The following TNFSF4 variants were observed in gnomAD, a reference collection of about 807,000 sequenced individuals.
TNFSF4 encodes TNF superfamily member 4.
A neutral mutation model predicts 7.3 loss-of-function variants in TNFSF4; 4 were observed. The observed-to-expected ratio is 0.55, with a 90% CI of 0.27 to 1.25. The LOEUF (loss-of-function observed/expected upper bound fraction) is 1.25, where lower values mean the gene tolerates loss of function less well. Ranked by LOEUF, TNFSF4 falls within the 50% of genes most tolerant of loss-of-function variation. The pLI, the probability that TNFSF4 is intolerant of heterozygous loss-of-function variation, is 0.12. For missense variants in TNFSF4, 181 were observed against 208.8 expected, an observed-to-expected ratio of 0.87 and a Z score of 0.82; for synonymous variants, 76 against 83.7, an observed-to-expected ratio of 0.91 and a Z score of 0.50.
At chr1:173,196,952 A>T (rs185926744) in intron 1 of TNFSF4, among the ~76,000 whole-genome samples, 31 of 152,312 alleles carry the variant, frequency 2.0e-4, no homozygotes, top group Admixed American at 1.8e-3. Context: ...CAAGGTACCC[A>T]CTGCCTTGCC....
chr1:173,324,193 CG>C, the TNFSF4 span, among the ~76,000 whole-genome samples: 7 of 151,932 alleles, frequency 4.6e-5, no homozygotes, highest in East Asian at 1.9e-4. Context: ...CCAGAAGGGG[CG>C]GGGGGGCCAA....
chr1:173,235,597 C>T, the TNFSF4 span, among the ~76,000 whole-genome samples: 4 of 152,316 alleles, frequency 2.6e-5, no homozygotes, highest in African/African-American at 4.8e-5. Flanking sequence ...ACACATACTA[C>T]GCATGTGTTA....
the TNFSF4 span, among the ~76,000 whole-genome samples, chr1:173,229,135 C>A: frequency 1.3e-5 from 2 of 152,174 alleles, no homozygotes; most frequent in Admixed American, 1.3e-4. Flanking sequence ...TTGTCAGATT[C>A]ACCAAGGTTG....
the TNFSF4 span, among the ~76,000 whole-genome samples, chr1:173,271,262 G>C: frequency 1.1e-4 from 17 of 152,074 alleles, no homozygotes; most frequent in Non-Finnish European, 2.2e-4. Context: ...TTTTCTTCTA[G>C]GGTTTTTATG....
the TNFSF4 span, among the ~76,000 whole-genome samples, chr1:173,227,981 G>A: frequency 1.3e-5 from 2 of 152,314 alleles, no homozygotes; most frequent in South Asian, 2.1e-4. Flanking sequence ...AAGGAGGCCT[G>A]CCTGCATCTG....
At chr1:173,354,800 G>A in the TNFSF4 span, among the ~76,000 whole-genome samples, 135 of 152,196 alleles carry the variant, frequency 8.9e-4, no homozygotes, top group African/African-American at 3.0e-3. Flanking sequence ...ACAAAATTAC[G>A]TTTGAAGACC....
chr1:173,273,719 A>T, the TNFSF4 span, among the ~76,000 whole-genome samples: 1 of 152,124 alleles, frequency 6.6e-6, no homozygotes, highest in East Asian at 1.9e-4. Context: ...TAATCCTAGG[A>T]TGAAGATAGA....
chr1:173,421,113 C>T, the TNFSF4 span, among the ~76,000 whole-genome samples: 1 of 151,962 alleles, frequency 6.6e-6, no homozygotes, highest in Non-Finnish European at 1.5e-5. Context: ...CCCCTGCCCG[C>T]ATTTAGGGTT....
chr1:173,252,113 T>A, the TNFSF4 span, among the ~76,000 whole-genome samples: 1 of 152,176 alleles, frequency 6.6e-6, no homozygotes, highest in Admixed American at 6.5e-5. Flanking sequence ...TAGATGGTTT[T>A]AGTTGGCTAA....
the TNFSF4 span, among the ~76,000 whole-genome samples, chr1:173,351,516 T>C: frequency 6.6e-6 from 1 of 152,040 alleles, no homozygotes; most frequent in Non-Finnish European, 1.5e-5. Context: ...AAAAAGGGAT[T>C]GAACTTCATT....
At chr1:173,255,919 C>T in the TNFSF4 span, among the ~76,000 whole-genome samples, 1 of 152,098 alleles carries the variant, frequency 6.6e-6, no homozygotes, top group Non-Finnish European at 1.5e-5. Context: ...GTAATAACAT[C>T]ATCATTTTTA....
At chr1:173,404,423 C>A in the TNFSF4 span, among the ~76,000 whole-genome samples, 1 of 152,274 alleles carries the variant, frequency 6.6e-6, no homozygotes, top group South Asian at 2.1e-4. Context: ...TGTGCTAAGG[C>A]AAATAACTAT....
chr1:173,374,481 T>A, the TNFSF4 span, among the ~76,000 whole-genome samples: 96,405 of 151,896 alleles, frequency 0.63, 30,755 homozygotes, highest in Admixed American at 0.69. Flanking sequence ...GGAACCTGCA[T>A]GACTGTAAGC....
the TNFSF4 span, among the ~76,000 whole-genome samples, chr1:173,298,673 C>T: frequency 6.6e-6 from 1 of 151,938 alleles, no homozygotes. Flanking sequence ...CTGAGCTCTT[C>T]TTTAGCAGCA....
At chr1:173,246,658 T>C in the TNFSF4 span, among the ~76,000 whole-genome samples, 4 of 152,364 alleles carry the variant, frequency 2.6e-5, no homozygotes, top group South Asian at 6.2e-4. Flanking sequence ...ATGAGTGAAA[T>C]ATTTTTACCC....
chr1:173,352,480 G>A, the TNFSF4 span, among the ~76,000 whole-genome samples: 22 of 152,172 alleles, frequency 1.4e-4, 1 homozygote, highest in Admixed American at 1.2e-3. Flanking sequence ...GACATCACAT[G>A]TCGGCAGGTT....
chr1:173,338,159 C>A, the TNFSF4 span, among the ~76,000 whole-genome samples: 1 of 152,178 alleles, frequency 6.6e-6, no homozygotes, highest in African/African-American at 2.4e-5. Context: ...AGCATGGTAC[C>A]ATTCCCCCAC....
At chr1:173,378,894 C>G in the TNFSF4 span, among the ~76,000 whole-genome samples, 1 of 149,248 alleles carries the variant, frequency 6.7e-6, no homozygotes, top group East Asian at 2.0e-4. Flanking sequence ...CCACCACAGG[C>G]TATCATTTTT....
chr1:173,409,942 A>G, the TNFSF4 span, among the ~76,000 whole-genome samples: 1 of 152,184 alleles, frequency 6.6e-6, no homozygotes, highest in African/African-American at 2.4e-5. Context: ...TTCTGTATAC[A>G]TATTATACTT....
Sources: allele counts gnomAD v4.1 joint callset (sites outside exome capture counted in the v4.1 genomes callset), GRCh38; gene constraint gnomAD v4.1.1; transcripts MANE v1.5; gene names NCBI Gene and HGNC (gene_info 2026-07-23, HGNC 2026-07-21).